Variants in CDK15 observed in about 807,000 individuals in gnomAD.
CDK15 encodes cyclin-dependent kinase 15.
A neutral mutation model predicts 60.3 loss-of-function variants in CDK15; 62 were observed. The observed-to-expected ratio is 1.03, with a 90% CI of 0.84 to 1.27. The LOEUF (loss-of-function observed/expected upper bound fraction) is 1.27. Among genes scored for constraint, CDK15 ranks in the 50% most tolerant of loss-of-function variants. The pLI, the probability that CDK15 is intolerant of heterozygous loss-of-function variation, is 0.00. For synonymous variants in CDK15, 194 were observed against 195.7 expected (o/e 0.99, Z 0.07); for missense variants, 541 against 527.8 (o/e 1.03, Z -0.25).
At chr2:201,836,084 TTATATATTTA>T (rs1259361359) in intron 8 of CDK15, among the ~76,000 whole-genome samples, 25 of 52,816 alleles carry the variant, frequency 4.7e-4, no homozygotes, top group African/African-American at 1.4e-3. Context: ...TTATATATAT[TTATATATTTA>T]TATATATTTA....
At chr2:201,838,455 G>A (rs768300679) in intron 8 of CDK15, among the ~76,000 whole-genome samples, 13 of 152,116 alleles carry the variant, frequency 8.5e-5, no homozygotes, top group Non-Finnish European at 1.5e-4. Context: ...TGCCCAGGCT[G>A]GAGTACAGAG....
rs112539531 is a variant in CDK15, at chr2:201,833,742, A to G, written c.607-106A>G. ...TTTTTTTTTTTTTTTTTGGTCTCTC[A>G]AGAGACACTTTTACTATATTCTTTG... On this transcript the variant is annotated intron_variant, in intron 6 of 13. Transcript: ENST00000652192. 6 of 1,023,530 alleles carry G rather than the reference A, an allele frequency of 5.9e-6. No homozygotes were observed. In the African/African-American group the frequency reaches 9.0e-5, roughly 15 times the overall value. 63.4% of individuals were successfully genotyped at this position (1,023,530 alleles called of 1,614,324 possible).
chr2:201,840,952 T>C (rs1697348804), intron 8 of CDK15, among the ~76,000 whole-genome samples: 1 of 152,218 alleles, frequency 6.6e-6, no homozygotes, highest in Non-Finnish European at 1.5e-5. Context: ...TTTTTGAATA[T>C]TGACTCTATT....
At chr2:201,816,962 G>T (rs1476239851) in intron 4 of CDK15, among the ~76,000 whole-genome samples, 7 of 152,188 alleles carry the variant, frequency 4.6e-5, no homozygotes, top group Non-Finnish European at 2.9e-5. Flanking sequence ...CTAAAAGTGG[G>T]TATAAATATA....
At chr2:201,888,080 G>T (rs16838373) in intron 12 of CDK15, among the ~76,000 whole-genome samples, 2,127 of 150,324 alleles carry the variant, frequency 0.014, 72 homozygotes, top group East Asian at 0.12. Flanking sequence ...AGCGATTATG[G>T]GCAAGTAAAA....
intron 10 of CDK15, among the ~76,000 whole-genome samples, chr2:201,867,281 A>G (rs555432729): frequency 6.6e-6 from 1 of 152,294 alleles, no homozygotes; most frequent in South Asian, 2.1e-4. Flanking sequence ...TTGCTAGACC[A>G]AAGGTCCTCT....
rs1393984778 is a variant in CDK15 at position 201,863,108 on chromosome 2, A to G, written c.1009+8171A>G. On this transcript the variant is annotated intron_variant, in intron 10 of 13. Coordinates refer to ENST00000652192, the MANE Select transcript of CDK15 (RefSeq NM_001366386.2). ...TGCTGAAAGCTCCTGGGGAGTTACT[A>G]TTAACATCTTTATTAACCCGTCCCC... 2.6e-5 allele frequency among the ~76,000 whole-genome samples: 4 copies of G among 152,338 alleles called. No individual in the cohort carries two copies. The East Asian group carries it at 5.8e-4, about 22-fold the overall frequency.
At chr2:201,818,263 C>T (rs553119797) in intron 4 of CDK15, among the ~76,000 whole-genome samples, 12 of 152,250 alleles carry the variant, frequency 7.9e-5, no homozygotes, top group African/African-American at 2.4e-4. Context: ...TTACATAGAG[C>T]GACATCCTAG....
At position 201,806,620 on chromosome 2, in the gene CDK15, G is replaced by T; in HGVS notation, c.-45G>T. On this transcript the variant is annotated 5_prime_UTR_variant, in exon 1 of 14. Transcript: ENST00000652192. ...GAGAACAAGGATAGGAGAGGCAGTG[G>T]GGGAAAGGTTCAAGTGCGGGTTTTC... The T allele has an allele frequency of 6.5e-7, 1 of 1,530,694 alleles. No individual in the cohort carries two copies. The highest frequency in any genetic ancestry group is 8.8e-7 in the Non-Finnish European group (1 of 1,137,568). The allele number at this position is 1,530,694 out of a possible 1,614,324, so 94.8% of individuals were successfully genotyped here. A position where few individuals can be genotyped will look rare whatever the true frequency, so the allele number is the denominator to read the frequency against.
At chr2:201,874,939 T>A (rs1052245072) in intron 11 of CDK15, among the ~76,000 whole-genome samples, 3 of 152,198 alleles carry the variant, frequency 2.0e-5, no homozygotes, top group Non-Finnish European at 4.4e-5. Flanking sequence ...GAGCTCATAC[T>A]GACCAGCCTG....
At chr2:201,815,417 C>T (rs898606107) in intron 4 of CDK15, among the ~76,000 whole-genome samples, 2 of 152,122 alleles carry the variant, frequency 1.3e-5, no homozygotes, top group Admixed American at 1.3e-4. Context: ...GGTACTCTGC[C>T]GAACTGCTAG....
At chr2:201,854,805 C>A in intron 9 of CDK15, 69 bp from the exon 10 acceptor site, 2 of 1,355,458 alleles carry the variant, frequency 1.5e-6, no homozygotes, top group Non-Finnish European at 2.1e-6. Context: ...TCCTGCATGT[C>A]TCCATACCTC....
chr2:201,871,099 C>T (rs1045679722), intron 10 of CDK15, among the ~76,000 whole-genome samples: 2 of 152,166 alleles, frequency 1.3e-5, no homozygotes, highest in Non-Finnish European at 2.9e-5. Context: ...GATTCACTTC[C>T]ATTTTTACCA....
At chr2:201,892,884 T>C (rs1471640590) in intron 13 of CDK15, among the ~76,000 whole-genome samples, 1 of 152,174 alleles carries the variant, frequency 6.6e-6, no homozygotes, top group Non-Finnish European at 1.5e-5. Flanking sequence ...GCCTCAAAAT[T>C]AAGATTCTTG....
At chr2:201,860,009 T>A (rs1405397391) in intron 10 of CDK15, among the ~76,000 whole-genome samples, 1 of 152,186 alleles carries the variant, frequency 6.6e-6, no homozygotes, top group Non-Finnish European at 1.5e-5. Context: ...AAGAGAAACT[T>A]TTTTTCTTGC....
chr2:201,879,949 T>C, intron 11 of CDK15, 79 bp from the exon 12 acceptor site: 1 of 1,532,224 alleles, frequency 6.5e-7, no homozygotes, highest in Non-Finnish European at 8.8e-7. Context: ...CTCCTTTTCT[T>C]TACTTTTTGT....
intron 9 of CDK15, among the ~76,000 whole-genome samples, chr2:201,852,604 A>G (rs1052742700): frequency 6.6e-6 from 1 of 152,238 alleles, no homozygotes; most frequent in Non-Finnish European, 1.5e-5. Flanking sequence ...TTCCATTCCA[A>G]CAAAGGCAGA....
At chr2:201,828,628 G>A (rs1211223284) in intron 6 of CDK15, among the ~76,000 whole-genome samples, 1 of 152,142 alleles carries the variant, frequency 6.6e-6, no homozygotes. Flanking sequence ...AGGCACAAAG[G>A]AAGAGGTTAT....
intron 12 of CDK15, chr2:201,888,723 TCTCTCC>T: frequency 1.6e-6 from 2 of 1,232,990 alleles, no homozygotes; most frequent in Admixed American, 4.2e-5. Flanking sequence ...TGTCTCTCTC[TCTCTCC>T]CTCCCTCCCT....
Sources: allele counts gnomAD v4.1 joint callset (sites outside exome capture counted in the v4.1 genomes callset), GRCh38; gene constraint gnomAD v4.1.1; transcripts MANE v1.5; gene names NCBI Gene and HGNC (gene_info 2026-07-23, HGNC 2026-07-21).